The following CEP128 variants were observed in gnomAD, a reference collection of about 807,000 sequenced individuals.
CEP128 encodes the protein centrosomal protein 128.
A neutral mutation model predicts 156.7 loss-of-function variants in CEP128; 132 were observed. The observed-to-expected ratio is 0.84, with a 90% CI of 0.73 to 0.97. CEP128 has a LOEUF of 0.97. Among genes scored for constraint, CEP128 ranks in the 50% least tolerant of loss-of-function variants. The pLI, the probability that CEP128 is intolerant of heterozygous loss-of-function variation, is 0.00. For synonymous variants in CEP128, 469 were observed against 448.9 expected (o/e 1.04, Z -0.57); for missense variants, 1,252 against 1,281.9 (o/e 0.98, Z 0.36).
intron 19 of CEP128, among the ~76,000 whole-genome samples, chr14:80,621,588 C>T (rs1242886229): frequency 1.3e-5 from 2 of 152,088 alleles, no homozygotes; most frequent in Non-Finnish European, 2.9e-5. Context: ...AATATACTAA[C>T]CAGCTTAAAA....
intron 19 of CEP128, among the ~76,000 whole-genome samples, chr14:80,612,745 C>T (rs1246619232): frequency 6.6e-6 from 1 of 152,176 alleles, no homozygotes; most frequent in Non-Finnish European, 1.5e-5. Flanking sequence ...TTGAATTAAA[C>T]TGAATCCTCC....
intron 2 of CEP128, chr14:80,954,932 T>A (rs1415769020): frequency 6.5e-6 from 1 of 152,976 alleles, no homozygotes; most frequent in East Asian, 1.9e-4. Flanking sequence ...GGCCCCAAAG[T>A]TCAGTTCCTG....
intron 9 of CEP128, among the ~76,000 whole-genome samples, chr14:80,856,542 G>C (rs751896175): frequency 6.6e-6 from 1 of 151,794 alleles, no homozygotes; most frequent in Non-Finnish European, 1.5e-5. Flanking sequence ...TGCTTGGGAA[G>C]CTGAGGTAGA....
At chr14:80,864,962 T>C (rs1348185956) in intron 8 of CEP128, among the ~76,000 whole-genome samples, 1 of 152,230 alleles carries the variant, frequency 6.6e-6, no homozygotes, top group Non-Finnish European at 1.5e-5. Context: ...TCTATCACTT[T>C]ACTTAGCTAA....
chr14:80,906,545 C>A (rs1883894952), intron 4 of CEP128, among the ~76,000 whole-genome samples: 1 of 152,190 alleles, frequency 6.6e-6, no homozygotes. Flanking sequence ...ACAATGTACA[C>A]TGTCCAACTT....
chr14:80,811,675 ATATGTGTG>A (rs966236611), intron 13 of CEP128, among the ~76,000 whole-genome samples: 5 of 105,932 alleles, frequency 4.7e-5, no homozygotes, highest in African/African-American at 1.9e-4. Context: ...GTGTACAGAC[ATATGTGTG>A]TGTGTGTGTG....
chr14:80,533,676 C>T (rs899762550), intron 21 of CEP128, among the ~76,000 whole-genome samples: 7 of 152,140 alleles, frequency 4.6e-5, no homozygotes, highest in African/African-American at 1.4e-4. Flanking sequence ...TGCCATCCCC[C>T]GCTGCCCCCA....
At chr14:80,597,886 T>C (rs1892401064) in intron 19 of CEP128, among the ~76,000 whole-genome samples, 5 of 145,154 alleles carry the variant, frequency 3.4e-5, no homozygotes, top group African/African-American at 1.3e-4. Flanking sequence ...TTTGACAAAA[T>C]TCATTGACCA....
chr14:80,608,172 T>TA (rs1892859212), intron 19 of CEP128, among the ~76,000 whole-genome samples: 2 of 152,238 alleles, frequency 1.3e-5, no homozygotes, highest in African/African-American at 4.8e-5. Flanking sequence ...CCTTCTACCT[T>TA]ACTCTGCTTT....
At chr14:80,693,685 G>A (rs1462829124) in intron 19 of CEP128, among the ~76,000 whole-genome samples, 1 of 152,064 alleles carries the variant, frequency 6.6e-6, no homozygotes, top group Non-Finnish European at 1.5e-5. Context: ...ATCATAAAGA[G>A]GCAGTTCCCT....
intron 19 of CEP128, among the ~76,000 whole-genome samples, chr14:80,671,262 T>C (rs1372182716): frequency 6.6e-6 from 1 of 152,174 alleles, no homozygotes; most frequent in Non-Finnish European, 1.5e-5. Flanking sequence ...AATAGATTTA[T>C]TAAAGGCAGC....
chr14:80,831,381 A>C, intron 12 of CEP128, 87 bp from the exon 13 acceptor site: 3 of 1,342,042 alleles, frequency 2.2e-6, no homozygotes, highest in Non-Finnish European at 3.1e-6. Flanking sequence ...TGATGTTTCA[A>C]TATTCTAGCT....
intron 21 of CEP128, among the ~76,000 whole-genome samples, chr14:80,533,527 A>G (rs764062925): frequency 2.0e-5 from 3 of 152,266 alleles, no homozygotes; most frequent in Admixed American, 2.0e-4. Flanking sequence ...TTTTCCTTGC[A>G]TGTGTTTACA....
intron 9 of CEP128, among the ~76,000 whole-genome samples, chr14:80,842,810 C>G (rs566450520): frequency 1.8e-4 from 27 of 151,962 alleles, no homozygotes; most frequent in African/African-American, 6.5e-4. Context: ...TGTTTGTCTC[C>G]TAAGAGCAGT....
chr14:80,838,633 T>C (rs1316493877), intron 10 of CEP128, among the ~76,000 whole-genome samples: 1 of 152,114 alleles, frequency 6.6e-6, no homozygotes, highest in East Asian at 1.9e-4. Flanking sequence ...TAAATCTCTT[T>C]AATCTAAATT....
rs777972306 is a variant in CEP128, at chr14:80,527,429, T to TTA, written c.2959-448_2959-447insTA. 8.6e-4 allele frequency among the ~76,000 whole-genome samples: 108 copies of TTA among 126,224 alleles called. 1 individual carries two copies. Among genetic ancestry groups the TTA allele is most frequent in the African/African-American group, 3.2e-3 (103 of 32,306 alleles). 82.8% of individuals were successfully genotyped at this position (126,224 alleles called of 152,430 possible). ...CTGGGTGAAAGAGCAAGGCTCTGTC[T>TTA]AAAAAAAAAAAAAAAAAGAACAAGA... On this transcript the variant is annotated intron_variant, in intron 22 of 24. Coordinates refer to ENST00000555265, the MANE Select transcript of CEP128 (RefSeq NM_152446.5).
intron 8 of CEP128, among the ~76,000 whole-genome samples, chr14:80,869,309 A>T (rs570520463): frequency 2.0e-4 from 31 of 152,204 alleles, no homozygotes; most frequent in African/African-American, 7.5e-4. Flanking sequence ...TGAATAGGAA[A>T]ATTCACTAAT....
intron 18 of CEP128, among the ~76,000 whole-genome samples, chr14:80,746,912 C>T (rs767124518): frequency 3.3e-5 from 5 of 152,082 alleles, no homozygotes; most frequent in East Asian, 1.9e-4. Flanking sequence ...ATTTTTAAAA[C>T]GTACAAAGGA....
chr14:80,761,464 G>C lies in CEP128; in HGVS notation c.2526C>G (p.Phe842Leu), dbSNP rs150745114. The C allele has an allele frequency of 3.0e-3, 4,899 of 1,610,012 alleles. 16 individuals are homozygous for C. The highest frequency in any genetic ancestry group is 3.7e-3 in the Non-Finnish European group (4,370 of 1,177,300). The change falls in exon 17 of 25, where the codon TTC becomes TTG. Residue 842 changes from phenylalanine (F) to leucine (L), a missense_variant. Transcript: ENST00000555265. ...TTAATTTCTCCACTGAGTCCTTGGA[G>C]AATGTTTTACAAGCTGCATCAATTT... The part of the protein sequence containing the change: ...GKEIDAACKT[F>L]SKDSVEKLKV...
Sources: allele counts gnomAD v4.1 joint callset (sites outside exome capture counted in the v4.1 genomes callset), GRCh38; gene constraint gnomAD v4.1.1; transcripts MANE v1.5; gene names NCBI Gene and HGNC (gene_info 2026-07-23, HGNC 2026-07-21).